HNRNPM: variants seen among roughly 807,000 people sequenced by gnomAD.
The protein encoded by HNRNPM is heterogeneous nuclear ribonucleoprotein M, also known as CEA receptor.
A neutral mutation model predicts 73.1 loss-of-function variants in HNRNPM; 11 were observed. That is an observed-to-expected ratio of 0.15 (90% confidence interval 0.09 to 0.25). HNRNPM has a LOEUF of 0.25. Among genes scored for constraint, HNRNPM ranks in the 10% least tolerant of loss-of-function variants. HNRNPM has a pLI of 1.00. For synonymous variants in HNRNPM, 407 were observed against 355.2 expected (o/e 1.15, Z -1.64); for missense variants, 789 against 1,067.9 (o/e 0.74, Z 3.64).
intron 12 of HNRNPM, among the ~76,000 whole-genome samples, chr19:8,474,714 C>CTTT (rs59543782): frequency 3.4e-5 from 4 of 117,852 alleles, no homozygotes; most frequent in African/African-American, 1.1e-4. Context: ...CCTCCACCAA[C>CTTT]TTTTTTTTTT....
At position 8,486,200 on chromosome 19, in the gene HNRNPM, GCATGGGCCCTGC is replaced by G. The variant is rs531807844; in HGVS notation, c.1782_1793del (p.Met596_Ala599del). The G allele has an allele frequency of 1.1e-3, 1,811 of 1,582,786 alleles. 5 individuals carry two copies. Among genetic ancestry groups the G allele is most frequent in the South Asian group, 3.0e-3 (269 of 88,326 alleles). ...CGCATGGGTGCCAACAGCCTCGAGCGCATGGGCCCTGCCATGGGCCCGGCCCTGGGCGCTGGC... is the reference window on the plus strand; with the variant it reads ...CGCATGGGTGCCAACAGCCTCGAGCGCATGGGCCCGGCCCTGGGCGCTGGC... On this transcript the variant is annotated inframe_deletion, in exon 14 of 16. Transcript: ENST00000325495.
intron 14 of HNRNPM, 33 bp from the exon 15 acceptor site, chr19:8,486,991 A>G: frequency 6.3e-7 from 1 of 1,582,954 alleles, no homozygotes; most frequent in South Asian, 1.1e-5. Flanking sequence ...TGGTTTAATC[A>G]CGCATCAGTC....
At chr19:8,476,848 T>TGCAG in intron 12 of HNRNPM, among the ~76,000 whole-genome samples, 1 of 152,290 alleles carries the variant, frequency 6.6e-6, no homozygotes, top group East Asian at 1.9e-4. Context: ...GCTGCGGGGC[T>TGCAG]GCAGGGTTCT....
chr19:8,479,798 A>G (rs1487675927), intron 12 of HNRNPM, among the ~76,000 whole-genome samples: 6 of 131,994 alleles, frequency 4.5e-5, no homozygotes, highest in Admixed American at 7.9e-5. Flanking sequence ...TTTTTGCGAC[A>G]GAGTCTCGCT....
chr19:8,465,372 A>G lies in HNRNPM; in HGVS notation c.487A>G (p.Thr163Ala), dbSNP rs1191944860. Residue 163 changes from threonine to alanine, a missense_variant, in exon 6 of 16, where the codon ACG becomes GCG. By Grantham distance (58) the Thr-to-Ala change is moderately conservative. This residue lies in a region of HNRNPM where 604 missense variants were observed against 744.0 expected (regional missense o/e 0.81). Transcript: ENST00000325495. ...GAGAGCAATGCAAAAGGTGATGGCT[A>G]CGACTGGTGGGATGGGTATGGGACC... ...ARRAMQKVMA[T>A]TGGMGMGPGG... is the part of the protein sequence containing the mutation. 4 of 1,613,406 alleles carry G rather than the reference A, an allele frequency of 2.5e-6. No individual in the cohort carries two copies. The highest frequency in any genetic ancestry group is 1.6e-4 in the Middle Eastern group (1 of 6,084).
Position 8,485,624 on chromosome 19 carries a change from C to A in HNRNPM, c.1196C>A (p.Pro399His). 6.2e-7 allele frequency: 1 copy of A among 1,602,038 alleles called. No homozygotes were observed. Among genetic ancestry groups the A allele is most frequent in the Non-Finnish European group, 8.5e-7 (1 of 1,175,686 alleles). The change falls in exon 14 of 16, where the codon CCT (proline) becomes CAT (histidine). Residue 399 changes from proline (P) to histidine (H), a missense_variant. By Grantham distance (77) the Pro-to-His change is moderately conservative. Around this residue, in one of 4 missense-constraint regions of HNRNPM, gnomAD observed 604 missense variants for 744.0 expected, o/e 0.81. Transcript: ENST00000325495. ...TCAGGTGGAGGTGGAGGAAGCGTCC[C>A]TGGGATCGAGAGGATGGGTCCTGGC... ...QGGGGGGGSV[P>H]GIERMGPGID...
chr19:8,489,032 G>T lies in HNRNPM; in HGVS notation c.*178G>T. ...CCATTTGACTGTTTGCATTGAGATT[G>T]CAATGTGCGCAATTTTTTTTGTAGT... On this transcript the variant is annotated 3_prime_UTR_variant, in exon 16 of 16. Transcript: ENST00000325495. The T allele has an allele frequency of 7.1e-6, 4 of 560,702 alleles. No homozygotes were observed. The highest frequency in any genetic ancestry group is 1.2e-5 in the Non-Finnish European group (4 of 322,000). 34.7% of individuals were successfully genotyped at this position (560,702 alleles called of 1,614,324 possible). A position where few individuals can be genotyped will look rare whatever the true frequency, so the allele number is the denominator to read the frequency against.
chr19:8,469,892 G>C (rs1002142514), intron 9 of HNRNPM, among the ~76,000 whole-genome samples: 9 of 152,254 alleles, frequency 5.9e-5, no homozygotes, highest in African/African-American at 9.6e-5. Context: ...CATTATGGCA[G>C]CATGACAGAT....
At position 8,485,667 on chromosome 19, in the gene HNRNPM, T is replaced by A; in HGVS notation, c.1239T>A (p.Gly413=). The A allele has an allele frequency of 6.2e-7, 1 of 1,607,956 alleles. No homozygotes were observed. Among genetic ancestry groups the A allele is most frequent in the Non-Finnish European group, 8.5e-7 (1 of 1,179,546 alleles). ...GTCCTGGCATTGACCGCCTCGGGGG[T>A]GCCGGCATGGAGCGCATGGGCGCGG... ...RMGPGIDRLG[G]AGMERMGAGL... The change falls in exon 14 of 16, where the codon GGT becomes GGA. Residue 413 remains glycine (G), a synonymous_variant. Coordinates refer to ENST00000325495, the MANE Select transcript of HNRNPM (RefSeq NM_005968.5).
chr19:8,465,832 T>C (rs1394497097), intron 6 of HNRNPM, among the ~76,000 whole-genome samples: 1 of 152,206 alleles, frequency 6.6e-6, no homozygotes, highest in East Asian at 1.9e-4. Flanking sequence ...AGAAGTGCAC[T>C]GACACCTTCC....
intron 2 of HNRNPM, 98 bp downstream of exon 2, chr19:8,455,672 G>A: frequency 1.1e-6 from 1 of 883,738 alleles, no homozygotes; most frequent in Non-Finnish European, 1.8e-6. Flanking sequence ...AGCGGCTCTG[G>A]GTAGAGCATG....
At chr19:8,487,388 A>G (rs1255560252) in intron 15 of HNRNPM, 2 of 361,320 alleles carry the variant, frequency 5.5e-6, no homozygotes, top group Non-Finnish European at 1.0e-5. Flanking sequence ...TCTAGGTGGC[A>G]AGGCTAAATA....
chr19:8,455,270 C>T (rs530840477), intron 1 of HNRNPM, 135 bp from the exon 2 acceptor site: 15 of 710,094 alleles, frequency 2.1e-5, no homozygotes, highest in Non-Finnish European at 3.2e-5. Context: ...TGTGAGCCAC[C>T]GCATCTGACC....
At chr19:8,466,671 C>G (rs927326805) in intron 7 of HNRNPM, among the ~76,000 whole-genome samples, 1 of 151,682 alleles carries the variant, frequency 6.6e-6, no homozygotes, top group African/African-American at 2.4e-5. Context: ...CTAAAAAATG[C>G]AAAAATTAGC....
At chr19:8,461,942 A>C (rs944106684) in intron 2 of HNRNPM, 1 of 152,558 alleles carries the variant, frequency 6.6e-6, no homozygotes, top group Non-Finnish European at 1.5e-5. Context: ...AAAAAAAAAA[A>C]CTAAGAATGT....
intron 2 of HNRNPM, among the ~76,000 whole-genome samples, chr19:8,458,243 C>G (rs1969159771): frequency 6.6e-6 from 1 of 152,190 alleles, no homozygotes; most frequent in Non-Finnish European, 1.5e-5. Context: ...TAGCAGCATT[C>G]TAGCATTTCC....
At chr19:8,463,315 CAAGG>C (rs990317538) in intron 3 of HNRNPM, among the ~76,000 whole-genome samples, 178 bp from the exon 4 acceptor site, 1 of 152,224 alleles carries the variant, frequency 6.6e-6, no homozygotes, top group Non-Finnish European at 1.5e-5. Context: ...CAGCTTTTAA[CAAGG>C]AAGGCGAGGC....
At chr19:8,468,202 T>TC (rs562300572) in intron 8 of HNRNPM, among the ~76,000 whole-genome samples, 207 of 152,326 alleles carry the variant, frequency 1.4e-3, no homozygotes, top group Non-Finnish European at 2.5e-3. Flanking sequence ...TTCCAGTTTT[T>TC]CAAAGTATTA....
chr19:8,486,123 G>A lies in HNRNPM; in HGVS notation c.1695G>A (p.Arg565=), dbSNP rs755685069. 1 of 1,605,464 alleles carries A rather than the reference G, an allele frequency of 6.2e-7. No homozygotes were observed. Among genetic ancestry groups the A allele is most frequent in the Non-Finnish European group, 8.5e-7 (1 of 1,179,242 alleles). ...LERMGANNLE[R]MGLERMGANS... is the part of the protein sequence containing the mutation. ...GCATGGGCGCCAACAATCTGGAGCGGATGGGCCTGGAGCGCATGGGCGCCA... is the reference window on the plus strand; with the variant it reads ...GCATGGGCGCCAACAATCTGGAGCGAATGGGCCTGGAGCGCATGGGCGCCA... Residue 565 remains arginine (R), a synonymous_variant, in exon 14 of 16, where the codon CGG becomes CGA. Transcript: ENST00000325495.
Sources: allele counts gnomAD v4.1 joint callset (sites outside exome capture counted in the v4.1 genomes callset), GRCh38; gene constraint gnomAD v4.1.1; regional missense constraint gnomAD v4.1.1; transcripts MANE v1.5; gene names NCBI Gene and HGNC (gene_info 2026-07-23, HGNC 2026-07-21).